The following ADAM7 variants were observed in gnomAD, a reference collection of about 807,000 sequenced individuals.
The protein encoded by ADAM7 is disintegrin and metalloproteinase domain-containing protein 7.
A neutral mutation model predicts 102.9 loss-of-function variants in ADAM7; 97 were observed. The ratio of observed to expected loss-of-function variants is 0.94; its 90% confidence interval spans 0.80 to 1.12. The LOEUF is 1.12. Ranked by LOEUF, ADAM7 falls within the 50% of genes most tolerant of loss-of-function variation. The probability of loss-of-function intolerance (pLI) is 0.00; values close to 1 mark genes in which losing one functional copy is unlikely to be tolerated. For synonymous variants in ADAM7, 334 were observed against 304.4 expected (o/e 1.10, Z -1.01); for missense variants, 991 against 908.7 (o/e 1.09, Z -1.16).
chr8:24,499,219 G>A lies in ADAM7; in HGVS notation c.1843-17G>A, dbSNP rs758914916. On this transcript the variant is annotated splice_polypyrimidine_tract_variant and intron_variant, in intron 16 of 21. Transcript: ENST00000175238. Reference sequence around the variant, plus strand: ...TTGTAAGTCATTTTAATTCATGCTTGGTTACTTCATTTCTAGGTGTGCAAC... The same window carrying A: ...TTGTAAGTCATTTTAATTCATGCTTAGTTACTTCATTTCTAGGTGTGCAAC... The A allele has an allele frequency of 1.9e-6, 3 of 1,553,566 alleles. No homozygotes were observed. The highest frequency in any genetic ancestry group is 1.2e-5 in the South Asian group (1 of 80,452).
At chr8:24,487,090 G>A (rs981195662) in intron 10 of ADAM7, 97 bp from the exon 11 acceptor site, 1 of 1,280,152 alleles carries the variant, frequency 7.8e-7, no homozygotes, top group Non-Finnish European at 1.1e-6. Context: ...AGTTAACTAG[G>A]AGCTAGAAGC....
rs768223997 is a variant in ADAM7 at position 24,491,999 on chromosome 8, T to A, written c.1453T>A (p.Phe485Ile). 2.3e-5 allele frequency: 37 copies of A among 1,614,012 alleles called. No individual in the cohort carries two copies. Among genetic ancestry groups the A allele is most frequent in the Admixed American group, 5.0e-5 (3 of 60,010 alleles). ...CTCGCCTGCCTGTCCTAAGGACCAGTTCAGGGTCAATGGATTTCCTTGCAA... is the reference window on the plus strand; with the variant it reads ...CTCGCCTGCCTGTCCTAAGGACCAGATCAGGGTCAATGGATTTCCTTGCAA... The part of the protein sequence containing the change: ...GHSPACPKDQ[F>I]RVNGFPCKNS... Residue 485 changes from phenylalanine (F) to isoleucine (I), a missense_variant, in exon 14 of 22, where the codon TTC (phenylalanine) becomes ATC (isoleucine). By Grantham distance (21) the Phe-to-Ile change is conservative. Transcript: ENST00000175238.
Position 24,487,207 on chromosome 8 carries a change from C to T in ADAM7, c.981C>T (p.Asn327=), listed in dbSNP as rs1274016981. ...ATCAGGATCTTTTACCTGACACAAA[C>T]ATAATTGCAAACAGAATGGCACATC... ...SIIKDLLPDT[N]IIANRMAHQL... The change falls in exon 11 of 22, where the codon AAC becomes AAT. Residue 327 remains asparagine (N), a synonymous_variant. Coordinates refer to ENST00000175238, the MANE Select transcript of ADAM7 (RefSeq NM_003817.4). 1 of 1,613,674 alleles carries T rather than the reference C, an allele frequency of 6.2e-7. No individual in the cohort carries two copies. The highest frequency in any genetic ancestry group is 1.7e-5 in the Admixed American group (1 of 59,978).
intron 3 of ADAM7, among the ~76,000 whole-genome samples, chr8:24,451,038 T>A (rs1010615007): frequency 7.2e-5 from 11 of 152,210 alleles, no homozygotes; most frequent in African/African-American, 2.6e-4. Flanking sequence ...GATGTGCTGC[T>A]GGATTCGGTT....
At chr8:24,461,999 C>T (rs1401791161) in intron 3 of ADAM7, among the ~76,000 whole-genome samples, 1 of 152,138 alleles carries the variant, frequency 6.6e-6, no homozygotes, top group African/African-American at 2.4e-5. Flanking sequence ...CATCTTTTCT[C>T]TTGACGATAG....
chr8:24,504,082 G>A (rs533894062), intron 20 of ADAM7, among the ~76,000 whole-genome samples: 1 of 150,968 alleles, frequency 6.6e-6, no homozygotes, highest in East Asian at 1.9e-4. Flanking sequence ...TAAAAAAACT[G>A]AGTGGCCAGG....
At chr8:24,472,254 C>A (rs1203158817) in intron 7 of ADAM7, among the ~76,000 whole-genome samples, 1 of 151,542 alleles carries the variant, frequency 6.6e-6, no homozygotes, top group African/African-American at 2.4e-5. Context: ...ATGCAAGTTT[C>A]ATTTAACCAA....
intron 16 of ADAM7, among the ~76,000 whole-genome samples, chr8:24,497,254 T>C (rs1820591863): frequency 6.6e-6 from 1 of 152,232 alleles, no homozygotes; most frequent in South Asian, 2.1e-4. Flanking sequence ...ATTAAACCTC[T>C]TTCTTTTGTA....
At chr8:24,499,407 T>C in intron 17 of ADAM7, 91 bp downstream of exon 17, 1 of 914,438 alleles carries the variant, frequency 1.1e-6, no homozygotes, top group Non-Finnish European at 1.6e-6. Flanking sequence ...TGTATGTATA[T>C]ATGTATTTTT....
Position 24,489,250 on chromosome 8 carries a change from T to A in ADAM7, c.1183T>A (p.Phe395Ile). The change falls in exon 12 of 22, where the codon TTT (phenylalanine) becomes ATT (isoleucine). Residue 395 changes from phenylalanine to isoleucine, a missense_variant. Physicochemically the swap from Phe to Ile is conservative, Grantham distance 21. Coordinates refer to ENST00000175238, the MANE Select transcript of ADAM7 (RefSeq NM_003817.4). ...YKPTCMLNIP[F>I]PYNFHDFQFC... The stretch of plus-strand genomic sequence containing the variant: ...GCCAACATGCATGCTCAACATTCCA[T>A]TTCCTTACAATTTTCATGATTTCCA... The A allele has an allele frequency of 6.2e-7, 1 of 1,613,680 alleles. No individual in the cohort carries two copies. Among genetic ancestry groups the A allele is most frequent in the Middle Eastern group, 1.7e-4 (1 of 6,056 alleles).
At chr8:24,490,954 A>T (rs1371165988) in intron 13 of ADAM7, 66 bp downstream of exon 13, 5 of 1,521,232 alleles carry the variant, frequency 3.3e-6, no homozygotes, top group Non-Finnish European at 3.6e-6. Context: ...TCCAAGAGTT[A>T]TCTAACCACT....
At chr8:24,493,758 A>G (rs1404316136) in intron 16 of ADAM7, among the ~76,000 whole-genome samples, 1 of 152,226 alleles carries the variant, frequency 6.6e-6, no homozygotes, top group African/African-American at 2.4e-5. Context: ...GGCATCTTAA[A>G]TGAGTAACAT....
chr8:24,489,421 G>T, intron 12 of ADAM7, 88 bp downstream of exon 12: 1 of 1,265,256 alleles, frequency 7.9e-7, no homozygotes, highest in Non-Finnish European at 1.1e-6. Flanking sequence ...CAAACCAACC[G>T]TGGTGTTCCT....
rs978992190 is a variant in ADAM7, at chr8:24,485,513, G to A, written c.960+152G>A. 1.3e-5 allele frequency: 8 copies of A among 616,978 alleles called. No individual in the cohort carries two copies. In the African/African-American group the frequency reaches 1.5e-4, roughly 12 times the overall value. 38.2% of individuals were successfully genotyped at this position (616,978 alleles called of 1,614,324 possible). A position where few individuals can be genotyped will look rare whatever the true frequency, so the allele number is the denominator to read the frequency against. On this transcript the variant is annotated intron_variant, in intron 10 of 21. Coordinates refer to ENST00000175238, the MANE Select transcript of ADAM7 (RefSeq NM_003817.4). ...GACTGTTATGCTTCCTTTATTAAAT[G>A]AATAAAAATGTTTTATTGAAAAATT...
At chr8:24,466,676 ACT>A (rs1819436184) in intron 5 of ADAM7, 121 bp from the exon 6 acceptor site, 1 of 769,864 alleles carries the variant, frequency 1.3e-6, no homozygotes, top group African/African-American at 1.8e-5. Flanking sequence ...CACTGAAAGC[ACT>A]CTCCTACCTG....
intron 3 of ADAM7, among the ~76,000 whole-genome samples, chr8:24,459,682 A>G (rs750226868): frequency 6.6e-6 from 1 of 151,960 alleles, no homozygotes; most frequent in Non-Finnish European, 1.5e-5. Flanking sequence ...CTGGCCTCGA[A>G]CTCCAGGCCT....
In ADAM7 at chr8:24,485,276, G is replaced by C. The variant is rs1158701494; in HGVS notation, c.876-1G>C. The stretch of plus-strand genomic sequence containing the variant: ...AGACTATTTTTGCATCTTTTTCATA[G>C]TGGGAAGTGGCTCTACTCACATGTG... On this transcript the variant is annotated splice_acceptor_variant, in intron 9 of 21. Coordinates refer to ENST00000175238, the MANE Select transcript of ADAM7 (RefSeq NM_003817.4). LOFTEE classifies it high-confidence loss of function. The C allele has an allele frequency of 3.7e-6, 6 of 1,612,254 alleles. No homozygotes were observed. The Admixed American group carries it at 1.0e-4, about 27-fold the overall frequency.
intron 5 of ADAM7, among the ~76,000 whole-genome samples, chr8:24,466,175 G>A (rs1324093682): frequency 9.2e-5 from 14 of 152,146 alleles, no homozygotes. Context: ...CCATTATGCC[G>A]TAAGGCTTGA....
chr8:24,501,830 T>C (rs1184136119), intron 20 of ADAM7, among the ~76,000 whole-genome samples: 3 of 152,008 alleles, frequency 2.0e-5, no homozygotes, highest in Admixed American at 1.3e-4. Flanking sequence ...ACATACTAAT[T>C]TGTGCACTAT....
Sources: gnomAD v4.1 joint callset for allele counts (sites outside exome capture counted in the v4.1 genomes callset) on GRCh38, gnomAD v4.1.1 for gene constraint, MANE v1.5 for transcripts, NCBI Gene and HGNC (gene_info 2026-07-23, HGNC 2026-07-21) for gene names.